The following DST variants were observed in gnomAD, a reference collection of about 807,000 sequenced individuals.
DST encodes dystonin, also known as bullous pemphigoid antigen.
In DST, 253 loss-of-function variants were observed where a neutral mutation model predicts 875.2. The observed-to-expected ratio is 0.29, with a 90% CI of 0.26 to 0.32. DST has a LOEUF of 0.32. Among genes scored for constraint, DST ranks in the 10% least tolerant of loss-of-function variants. The pLI is 1.00. For synonymous variants in DST, 3,124 were observed against 3,197.1 expected (o/e 0.98, Z 0.77); for missense variants, 8,287 against 9,111.6 (o/e 0.91, Z 3.68).
chr6:56,851,618 C>T lies in DST; in HGVS notation c.418-14G>A, dbSNP rs1349908409. The stretch of plus-strand genomic sequence containing the variant: ...GTTCCCGGAACTCTACAGAGAATGA[C>T]ACAGAAAAAGCATTAACAGCAAAAT... On this transcript the variant is annotated splice_polypyrimidine_tract_variant and intron_variant, in intron 3 of 103. Transcript: ENST00000680361. 1 of 1,611,932 alleles carries T rather than the reference C, an allele frequency of 6.2e-7. No homozygotes were observed.
Position 56,553,522 on chromosome 6 carries a change from G to C in DST, c.15270C>G (p.Leu5090=), listed in dbSNP as rs759697752. 1.2e-6 allele frequency: 2 copies of C among 1,613,876 alleles called. No individual in the cohort carries two copies. The highest frequency in any genetic ancestry group is 2.2e-5 in the East Asian group (1 of 44,872). Reference sequence around the variant, plus strand: ...CTTTAATTAATGACTCCAAGACATCGAGTTTGGCAGATATTGGATGAGATT... The same window carrying C: ...CTTTAATTAATGACTCCAAGACATCCAGTTTGGCAGATATTGGATGAGATT... ...QNKSHPISAK[L]DVLESLIKDH... is the part of the protein sequence containing the mutation. Residue 5090 remains leucine (L), a synonymous_variant, in exon 61 of 104, where the codon CTC becomes CTG. Coordinates refer to ENST00000680361, the MANE Select transcript of DST (RefSeq NM_001374736.1).
chr6:56,898,376 T>A (rs890125746), intron 3 of DST, among the ~76,000 whole-genome samples: 10 of 152,228 alleles, frequency 6.6e-5, no homozygotes, highest in Admixed American at 5.9e-4. Flanking sequence ...GCATAAAGAC[T>A]ATGTCTTATT....
At chr6:56,892,950 G>A (rs1053882262) in intron 3 of DST, among the ~76,000 whole-genome samples, 25 of 152,164 alleles carry the variant, frequency 1.6e-4, no homozygotes, top group African/African-American at 6.0e-4. Flanking sequence ...CTTTCCATAT[G>A]TCAGCTCAGT....
At chr6:56,855,531 T>C (rs1322336195) in intron 3 of DST, among the ~76,000 whole-genome samples, 1 of 152,230 alleles carries the variant, frequency 6.6e-6, no homozygotes, top group Admixed American at 6.5e-5. Context: ...GAGTACCTCC[T>C]ACTGCCATGC....
intron 2 of DST, among the ~76,000 whole-genome samples, chr6:56,946,186 G>T (rs1819405109): frequency 6.6e-6 from 1 of 152,184 alleles, no homozygotes; most frequent in Admixed American, 6.5e-5. Flanking sequence ...GATTAAGAGG[G>T]TGTTGTCTAG....
chr6:56,911,286 T>C (rs1053006488), intron 2 of DST, among the ~76,000 whole-genome samples: 1 of 152,206 alleles, frequency 6.6e-6, no homozygotes, highest in Non-Finnish European at 1.5e-5. Flanking sequence ...CCTATTAAAA[T>C]GCAGATTCTA....
In DST at chr6:56,601,681, T is replaced by C. The variant is rs1284855636; in HGVS notation, c.11308-5A>G. 2.3e-5 allele frequency: 35 copies of C among 1,526,402 alleles called. No individual in the cohort carries two copies. The highest frequency in any genetic ancestry group is 2.9e-5 in the Non-Finnish European group (33 of 1,125,610). The allele number at this position is 1,526,402 out of a possible 1,614,324, so 94.6% of individuals were successfully genotyped here. A position where few individuals can be genotyped will look rare whatever the true frequency, so the allele number is the denominator to read the frequency against. On this transcript the variant is annotated splice_polypyrimidine_tract_variant and splice_region_variant and intron_variant, in intron 43 of 103. Transcript: ENST00000680361. ...TCCAAGGTCTTTTAATACATTCTGTTAAAAAAGTAGTACAAGCTATCAGTA... is the reference window on the plus strand; with the variant it reads ...TCCAAGGTCTTTTAATACATTCTGTCAAAAAAGTAGTACAAGCTATCAGTA...
chr6:56,850,010 C>T (rs1282341889), intron 4 of DST, among the ~76,000 whole-genome samples: 1 of 152,216 alleles, frequency 6.6e-6, no homozygotes, highest in Non-Finnish European at 1.5e-5. Flanking sequence ...GCTGGAGCCT[C>T]AGACCTGCGG....
rs1157703511 is a variant in DST at position 56,619,469 on chromosome 6, A to G, written c.4930-4985T>C. The G allele has an allele frequency of 3.1e-6, 5 of 1,611,580 alleles. No homozygotes were observed. In the Admixed American group the frequency reaches 8.4e-5, roughly 27 times the overall value. On this transcript the variant is annotated intron_variant, in intron 36 of 103. Coordinates refer to ENST00000680361, the MANE Select transcript of DST (RefSeq NM_001374736.1). Reference sequence around the variant, plus strand: ...TAGATGATCTGATTTTCTCTGGCAGATTTGTAGTCTTTCTAATTCTTTCTC... The same window carrying G: ...TAGATGATCTGATTTTCTCTGGCAGGTTTGTAGTCTTTCTAATTCTTTCTC...
At position 56,606,254 on chromosome 6, in the gene DST, C is replaced by A. The variant is rs2098496754; in HGVS notation, c.8374G>T (p.Glu2792Ter). ...TDHLDSMQSE[E>*]SYGDYIYDSN... Reference sequence around the variant, plus strand: ...TCATATATATAATCCCCATAACTTTCTTCACTTTGCATAGAATCTAAATGA... The same window carrying A: ...TCATATATATAATCCCCATAACTTTATTCACTTTGCATAGAATCTAAATGA... The change falls in exon 40 of 104, where the codon GAA (glutamate) becomes TAA (stop). Residue 2792 changes from glutamate (E) to a stop codon, truncating the protein, a stop_gained. Transcript: ENST00000680361. LOFTEE classifies it high-confidence loss of function. 6.4e-7 allele frequency: 1 copy of A among 1,570,486 alleles called. No homozygotes were observed. Among genetic ancestry groups the A allele is most frequent in the African/African-American group, 1.4e-5 (1 of 74,000 alleles).
At chr6:56,784,181 G>A (rs942676796) in intron 4 of DST, among the ~76,000 whole-genome samples, 7 of 152,178 alleles carry the variant, frequency 4.6e-5, no homozygotes, top group African/African-American at 1.7e-4. Flanking sequence ...TTCAACTTTG[G>A]TGAATGTGAC....
chr6:56,467,110 A>G (rs1289447066), intron 98 of DST: 2 of 152,180 alleles, frequency 1.3e-5, no homozygotes, highest in Non-Finnish European at 2.9e-5. Flanking sequence ...GTTCATGTCC[A>G]ACTCATAAAA....
chr6:56,912,050 C>T lies in DST; in HGVS notation c.217-11429G>A, dbSNP rs1344913907. On this transcript the variant is annotated intron_variant, in intron 2 of 103. Coordinates refer to ENST00000680361, the MANE Select transcript of DST (RefSeq NM_001374736.1). Reference sequence around the variant, plus strand: ...GAGGTCACATCACTCCTTTTGGTTTCCTCCTAGATGGGGTTTAAAGTGACT... The same window carrying T: ...GAGGTCACATCACTCCTTTTGGTTTTCTCCTAGATGGGGTTTAAAGTGACT... 2.0e-5 allele frequency among the ~76,000 whole-genome samples: 3 copies of T among 152,308 alleles called. No individual in the cohort carries two copies. In the East Asian group the frequency reaches 5.8e-4, roughly 29 times the overall value.
intron 23 of DST, among the ~76,000 whole-genome samples, 164 bp downstream of exon 23, chr6:56,636,393 C>T (rs1325475730): frequency 1.4e-5 from 2 of 147,376 alleles, no homozygotes; most frequent in East Asian, 2.0e-4. Flanking sequence ...TATGTGTATA[C>T]GTATGTGTGT....
intron 100 of DST, chr6:56,464,020 GAATA>G (rs1411329598): frequency 1.8e-6 from 1 of 552,860 alleles, no homozygotes; most frequent in Non-Finnish European, 3.4e-6. Flanking sequence ...ACACCAGCAA[GAATA>G]ACCACTATTA....
intron 9 of DST, among the ~76,000 whole-genome samples, chr6:56,696,439 G>T (rs997126980): frequency 1.3e-5 from 2 of 152,182 alleles, no homozygotes; most frequent in Non-Finnish European, 2.9e-5. Context: ...TGGGATTACA[G>T]GTGTGAGCCA....
chr6:56,820,749 T>C (rs2099772151), intron 4 of DST, among the ~76,000 whole-genome samples: 3 of 152,162 alleles, frequency 2.0e-5, no homozygotes, highest in African/African-American at 4.8e-5. Flanking sequence ...CCTATTATTA[T>C]AGTGATTATT....
At chr6:56,538,813 C>T (rs1012900144) in intron 61 of DST, among the ~76,000 whole-genome samples, 1 of 152,026 alleles carries the variant, frequency 6.6e-6, no homozygotes, top group African/African-American at 2.4e-5. Flanking sequence ...ATGAGATTCA[C>T]CCAAATCATT....
intron 22 of DST, among the ~76,000 whole-genome samples, chr6:56,638,106 TATTA>T (rs150555771): frequency 0.11 from 16,491 of 152,114 alleles, 1,842 homozygotes; most frequent in African/African-American, 0.29. Flanking sequence ...AGAAATTTTT[TATTA>T]ATTAAATTAT....
Sources: allele counts gnomAD v4.1 joint callset (sites outside exome capture counted in the v4.1 genomes callset), GRCh38; gene constraint gnomAD v4.1.1; transcripts MANE v1.5; gene names NCBI Gene and HGNC (gene_info 2026-07-23, HGNC 2026-07-21).